Variants in FSD2 observed in about 807,000 individuals in gnomAD.
The protein encoded by FSD2 is fibronectin type III and SPRY domain containing 2, also known as fibronectin type III and SPRY domain-containing protein 2.
Under a neutral mutation model 80.4 loss-of-function variants are expected in FSD2, and 71 were observed. The ratio of observed to expected loss-of-function variants is 0.88; its 90% CI spans 0.73 to 1.08. FSD2 has a LOEUF of 1.08. Ranked by LOEUF, FSD2 falls within the 50% of genes least tolerant of loss-of-function variation. The pLI, the probability that FSD2 is intolerant of heterozygous loss-of-function variation, is 0.00. For missense variants in FSD2, 923 were observed against 913.8 expected, an observed-to-expected ratio of 1.01 and a Z score of -0.13; for synonymous variants, 361 against 329.5, an observed-to-expected ratio of 1.10 and a Z score of -1.03.
chr15:82,782,178 G>A (rs1282856917), intron 4 of FSD2, among the ~76,000 whole-genome samples: 2 of 150,756 alleles, frequency 1.3e-5, no homozygotes, highest in East Asian at 1.9e-4. Context: ...GGCGGATCAC[G>A]AGTTCAGGAG....
chr15:82,783,670 A>G (rs554973694), intron 3 of FSD2, among the ~76,000 whole-genome samples: 1 of 152,058 alleles, frequency 6.6e-6, no homozygotes, highest in Non-Finnish European at 1.5e-5. Context: ...CCGATATTGG[A>G]CCTTAATGTG....
At chr15:82,759,960 A>ATT (rs36001277) in intron 12 of FSD2, among the ~76,000 whole-genome samples, 1 of 151,670 alleles carries the variant, frequency 6.6e-6, no homozygotes, top group Non-Finnish European at 1.5e-5. Flanking sequence ...AGCCCGGCTA[A>ATT]TTTTTGTATT....
chr15:82,797,918 A>G (rs1482920690), intron 1 of FSD2, among the ~76,000 whole-genome samples: 3 of 152,200 alleles, frequency 2.0e-5, no homozygotes, highest in African/African-American at 7.2e-5. Flanking sequence ...CAAAAGAAAA[A>G]AAGAGTTTAA....
intron 3 of FSD2, among the ~76,000 whole-genome samples, chr15:82,784,886 G>T (rs954474777): frequency 1.3e-5 from 2 of 152,154 alleles, no homozygotes; most frequent in Non-Finnish European, 2.9e-5. Context: ...CATCATAGTG[G>T]TTACCATGTA....
intron 1 of FSD2, among the ~76,000 whole-genome samples, chr15:82,799,810 A>C (rs1431701004): frequency 6.6e-6 from 1 of 152,188 alleles, no homozygotes; most frequent in Non-Finnish European, 1.5e-5. Flanking sequence ...GTCTAGAGTG[A>C]GGTCTGGAAA....
intron 3 of FSD2, among the ~76,000 whole-genome samples, chr15:82,783,391 G>A (rs577279742): frequency 2.6e-5 from 4 of 152,278 alleles, no homozygotes; most frequent in Admixed American, 6.5e-5. Context: ...GAGCCACCAC[G>A]CCCAGCCTGA....
chr15:82,789,962 G>A (rs766131313), intron 1 of FSD2, among the ~76,000 whole-genome samples: 35 of 152,280 alleles, frequency 2.3e-4, no homozygotes, highest in Non-Finnish European at 3.8e-4. Context: ...GGATCATGAG[G>A]TCAGGAGTTC....
Position 82,786,896 on chromosome 15 carries a change from G to T in FSD2, c.495C>A (p.Val165=). The T allele has an allele frequency of 1.2e-6, 2 of 1,613,998 alleles. No individual in the cohort carries two copies. The highest frequency in any genetic ancestry group is 1.7e-6 in the Non-Finnish European group (2 of 1,179,882). Residue 165 remains valine, a synonymous_variant, in exon 2 of 13, where the codon GTC becomes GTA. Coordinates refer to ENST00000334574, the MANE Select transcript of FSD2 (RefSeq NM_001007122.4). ...GRASEEYECY[V]IPEEEDEEEA... is the part of the protein sequence containing the mutation. ...CTTCTTCATCCTCTTCCTCGGGGATGACATAGCATTCATACTCCTCGCTGG... is the reference window on the plus strand; with the variant it reads ...CTTCTTCATCCTCTTCCTCGGGGATTACATAGCATTCATACTCCTCGCTGG...
intron 4 of FSD2, among the ~76,000 whole-genome samples, chr15:82,780,765 A>G (rs1041333830): frequency 5.9e-5 from 9 of 151,882 alleles, no homozygotes; most frequent in African/African-American, 1.2e-4. Context: ...AATATATATA[A>G]TAACATAAAC....
At position 82,759,522 on chromosome 15, in the gene FSD2, T is replaced by A. The variant is rs182082697; in HGVS notation, c.2076A>T (p.Leu692=). Residue 692 remains leucine (L), a synonymous_variant, in exon 13 of 13, where the codon CTA becomes CTT. Coordinates refer to ENST00000334574, the MANE Select transcript of FSD2 (RefSeq NM_001007122.4). ...ITVPPKKIGI[L]LDYEHSKLSF... is the part of the protein sequence containing the mutation. Reference sequence around the variant, plus strand: ...ACAACTTTGAATGTTCATAGTCTAATAGAATGCCAATCTTCTTTGGTGGAA... The same window carrying A: ...ACAACTTTGAATGTTCATAGTCTAAAAGAATGCCAATCTTCTTTGGTGGAA... 165 of 1,610,700 alleles carry A rather than the reference T, an allele frequency of 1.0e-4. No homozygotes were observed. In the Middle Eastern group the frequency reaches 5.3e-3, roughly 52 times the overall value.
intron 7 of FSD2, among the ~76,000 whole-genome samples, chr15:82,771,860 A>T (rs898764207): frequency 2.0e-5 from 3 of 152,230 alleles, no homozygotes; most frequent in African/African-American, 7.2e-5. Context: ...GATATGCTCC[A>T]GACCCCTTCG....
rs2050240850 is a variant in FSD2, at chr15:82,795,424, T to C, written c.-78-7956A>G. 2.0e-5 allele frequency among the ~76,000 whole-genome samples: 3 copies of C among 152,316 alleles called. No individual in the cohort carries two copies. In the South Asian group the frequency reaches 6.2e-4, roughly 32 times the overall value. ...ACCTGAGAATGAACATTCCAATTCT[T>C]AACTTTCTAGTAGGATAATAAATCA... On this transcript the variant is annotated intron_variant, in intron 1 of 12. Transcript: ENST00000334574.
chr15:82,765,723 C>A (rs1204404640), intron 10 of FSD2, among the ~76,000 whole-genome samples, 175 bp downstream of exon 10: 2 of 152,124 alleles, frequency 1.3e-5, no homozygotes, highest in Non-Finnish European at 2.9e-5. Flanking sequence ...CTTAATGATC[C>A]ATTTGACTTG....
At chr15:82,763,432 G>A (rs1051803938) in intron 11 of FSD2, among the ~76,000 whole-genome samples, 3 of 152,166 alleles carry the variant, frequency 2.0e-5, no homozygotes, top group Non-Finnish European at 4.4e-5. Context: ...TCCGTCAACT[G>A]GGATTGGTAA....
intron 1 of FSD2, among the ~76,000 whole-genome samples, chr15:82,789,376 A>ATAATAATAATAATAATAG (rs1330315674): frequency 6.6e-6 from 1 of 151,254 alleles, no homozygotes; most frequent in Non-Finnish European, 1.5e-5. Flanking sequence ...AATAATAATA[A>ATAATAATAATAATAATAG]TAATAGTAAA....
At position 82,768,886 on chromosome 15, in the gene FSD2, ACAC is replaced by A; in HGVS notation, c.1544_1546del (p.Gly515del). The A allele has an allele frequency of 1.9e-6, 3 of 1,543,286 alleles. No individual in the cohort carries two copies. Among genetic ancestry groups the A allele is most frequent in the Non-Finnish European group, 2.6e-6 (3 of 1,147,146 alleles). On this transcript the variant is annotated inframe_deletion, in exon 9 of 13. Transcript: ENST00000334574. ...AAATGCCCTCATGACTCACTCAGTT[ACAC>A]CCGAGGCTTCTGGACTTTCAGCCTG... is the stretch of plus-strand genomic sequence containing the variant.
rs542293905 is a variant in FSD2, at chr15:82,784,056, A to G, written c.736-1031T>C. ...ATTTCCAAGGAAGAGGATCTTATCA[A>G]TCATTCAGGGAGTAATTACTGAACA... is the stretch of plus-strand genomic sequence containing the variant. On this transcript the variant is annotated intron_variant, in intron 3 of 12. Coordinates refer to ENST00000334574, the MANE Select transcript of FSD2 (RefSeq NM_001007122.4). 9.2e-5 allele frequency among the ~76,000 whole-genome samples: 14 copies of G among 152,232 alleles called. 1 individual carries two copies. In the South Asian group the frequency reaches 1.2e-3, roughly 14 times the overall value.
At chr15:82,796,000 C>CTTTTTTTTT (rs143711664) in intron 1 of FSD2, among the ~76,000 whole-genome samples, 3 of 117,494 alleles carry the variant, frequency 2.6e-5, no homozygotes, top group Admixed American at 9.4e-5. Flanking sequence ...TTTTTCTTTT[C>CTTTTTTTTT]TTTTTTTTTT....
intron 3 of FSD2, among the ~76,000 whole-genome samples, chr15:82,784,260 T>TTTTATTTTATTTTA (rs1270469582): frequency 6.7e-5 from 9 of 133,676 alleles, no homozygotes; most frequent in Non-Finnish European, 1.5e-4. Context: ...ATTTTATTTT[T>TTTTATTTTATTTTA]TTTTTATGGA....
Sources: allele counts gnomAD v4.1 joint callset (sites outside exome capture counted in the v4.1 genomes callset), GRCh38; gene constraint gnomAD v4.1.1; transcripts MANE v1.5; gene names NCBI Gene and HGNC (gene_info 2026-07-23, HGNC 2026-07-21).